Variants in AOPEP observed in about 807,000 individuals in gnomAD.
AOPEP encodes aminopeptidase O (putative).
AOPEP carries 77 observed loss-of-function variants against 98.1 expected under a neutral mutation model. The observed-to-expected ratio is 0.78, with a 90% CI of 0.65 to 0.95. The LOEUF is 0.95. AOPEP is among the 40% of genes least tolerant of loss of function. AOPEP has a pLI of 0.00. For synonymous variants in AOPEP, 346 were observed against 365.3 expected (o/e 0.95, Z 0.60); for missense variants, 1,024 against 1,024.7 (o/e 1.00, Z 0.01).
At chr9:95,121,623 C>T in the AOPEP span, among the ~76,000 whole-genome samples, 3 of 152,308 alleles carry the variant, frequency 2.0e-5, no homozygotes, top group South Asian at 6.2e-4. Flanking sequence ...CACTGCCATA[C>T]GTTTTCACAA....
chr9:94,953,836 A>G (rs1484476615), intron 7 of AOPEP, among the ~76,000 whole-genome samples: 1 of 152,068 alleles, frequency 6.6e-6, no homozygotes, highest in Non-Finnish European at 1.5e-5. Context: ...AGCTGTAAAT[A>G]CCTCCTCACT....
chr9:94,941,272 C>T lies in AOPEP; in HGVS notation c.1661+12741C>T, dbSNP rs1006396086. Reference sequence around the variant, plus strand: ...AAAAAGTTCTTGCCTTTATGGCTTCCGAGAGTTCCTACCTGATCATTGGCC... The same window carrying T: ...AAAAAGTTCTTGCCTTTATGGCTTCTGAGAGTTCCTACCTGATCATTGGCC... On this transcript the variant is annotated intron_variant, in intron 7 of 16. Transcript: ENST00000375315. Among the ~76,000 whole-genome samples, 24 of 152,298 alleles carry T rather than the reference C, an allele frequency of 1.6e-4. No homozygotes were observed. In the East Asian group the frequency reaches 3.5e-3, roughly 22 times the overall value.
the AOPEP span, among the ~76,000 whole-genome samples, chr9:95,142,942 C>A: frequency 5.6e-4 from 85 of 152,292 alleles, no homozygotes; most frequent in African/African-American, 2.0e-3. Flanking sequence ...ATTCTGACAC[C>A]ATCTGGCATT....
intron 5 of AOPEP, among the ~76,000 whole-genome samples, chr9:94,859,035 A>AAAAAAAAAG (rs1467671849): frequency 6.6e-6 from 1 of 151,080 alleles, no homozygotes; most frequent in Non-Finnish European, 1.5e-5. Context: ...TTCAAAAAAA[A>AAAAAAAAAG]AGAAGACCTG....
the AOPEP span, among the ~76,000 whole-genome samples, chr9:95,141,993 T>TG: frequency 2.9e-5 from 4 of 139,414 alleles, no homozygotes; most frequent in East Asian, 8.3e-4. Flanking sequence ...GGGTTTTTTT[T>TG]TTTTTTTTTT....
intron 2 of AOPEP, among the ~76,000 whole-genome samples, chr9:94,761,165 G>C (rs1838195341): frequency 6.6e-6 from 1 of 152,176 alleles, no homozygotes; most frequent in Non-Finnish European, 1.5e-5. Flanking sequence ...AGTCCTCTGA[G>C]ACTGCACACT....
At chr9:95,033,734 G>C (rs2064529047) in intron 13 of AOPEP, among the ~76,000 whole-genome samples, 1 of 152,170 alleles carries the variant, frequency 6.6e-6, no homozygotes. Flanking sequence ...TTCAGTCTTT[G>C]TCAGGGTTCA....
At chr9:94,992,299 G>T (rs913002417) in intron 11 of AOPEP, among the ~76,000 whole-genome samples, 2 of 152,196 alleles carry the variant, frequency 1.3e-5, no homozygotes, top group Admixed American at 6.5e-5. Context: ...TAAGGAGTCT[G>T]TTGCAATCAT....
chr9:95,034,225 C>T (rs1042024736), intron 13 of AOPEP, among the ~76,000 whole-genome samples: 2 of 152,160 alleles, frequency 1.3e-5, no homozygotes, highest in African/African-American at 4.8e-5. Flanking sequence ...ATGTAGGTAG[C>T]GATTGCTTCC....
intron 13 of AOPEP, among the ~76,000 whole-genome samples, chr9:95,043,251 T>TATATATATACATATATATGCAG (rs373944079): frequency 6.8e-6 from 1 of 147,672 alleles, no homozygotes; most frequent in South Asian, 2.1e-4. Flanking sequence ...TATATACAGA[T>TATATATATACATATATATGCAG]ATATATATAC....
intron 10 of AOPEP, among the ~76,000 whole-genome samples, chr9:94,977,447 C>G (rs2059920537): frequency 6.6e-6 from 1 of 152,096 alleles, no homozygotes; most frequent in South Asian, 2.1e-4. Flanking sequence ...TCTAGCTGGT[C>G]AGTTAGCCCC....
At chr9:95,135,611 C>T in the AOPEP span, 1 of 897,654 alleles carries the variant, frequency 1.1e-6, no homozygotes, top group Non-Finnish European at 1.8e-6. Flanking sequence ...GACTTCTCAT[C>T]ATGGTCACAG....
chr9:95,096,646 G>A, the AOPEP span, among the ~76,000 whole-genome samples: 8 of 152,144 alleles, frequency 5.3e-5, no homozygotes, highest in Non-Finnish European at 5.9e-5. Context: ...CCACCAGGAG[G>A]GGGTCAGGAG....
intron 7 of AOPEP, among the ~76,000 whole-genome samples, chr9:94,929,360 G>T (rs1337358508): frequency 6.6e-6 from 1 of 152,226 alleles, no homozygotes; most frequent in African/African-American, 2.4e-5. Flanking sequence ...TTCTGCTGTT[G>T]TTGTTTGTTT....
At chr9:94,993,182 C>T (rs2061001426) in intron 11 of AOPEP, among the ~76,000 whole-genome samples, 1 of 152,096 alleles carries the variant, frequency 6.6e-6, no homozygotes, top group Non-Finnish European at 1.5e-5. Flanking sequence ...TCTTAAAATT[C>T]CTACGGGTCA....
chr9:95,071,292 C>CCA (rs200707998), intron 14 of AOPEP, among the ~76,000 whole-genome samples: 29 of 117,564 alleles, frequency 2.5e-4, no homozygotes, highest in African/African-American at 4.2e-4. Flanking sequence ...TCCCCCCGCC[C>CCA]CACACACACA....
chr9:95,112,735 G>C, the AOPEP span, among the ~76,000 whole-genome samples: 1 of 152,192 alleles, frequency 6.6e-6, no homozygotes, highest in East Asian at 1.9e-4. Flanking sequence ...AGACCGGTCT[G>C]GTCCTTCCCT....
chr9:95,026,528 G>A (rs1179294341), intron 13 of AOPEP, among the ~76,000 whole-genome samples: 1 of 152,180 alleles, frequency 6.6e-6, no homozygotes, highest in African/African-American at 2.4e-5. Context: ...GTATCGCTGT[G>A]TTCCCTTTAT....
the AOPEP span, chr9:95,099,401 C>CCGCCAACGCCGTCAAGGCCCCCTCGGCCA: frequency 4.4e-6 from 1 of 228,160 alleles, no homozygotes; most frequent in Non-Finnish European, 8.7e-6. Context: ...TGCCCAGGCC[C>CCGCCAACGCCGTCAAGGCCCCCTCGGCCA]CGCCAACGCC....
Sources: allele counts gnomAD v4.1 joint callset (sites outside exome capture counted in the v4.1 genomes callset), GRCh38; gene constraint gnomAD v4.1.1; transcripts MANE v1.5; gene names NCBI Gene and HGNC (gene_info 2026-07-23, HGNC 2026-07-21).